Variants in ZNF665 observed in about 807,000 individuals in gnomAD.
The protein encoded by ZNF665 is zinc finger protein 665.
ZNF665 carries 6 observed loss-of-function variants against 7.9 expected under a neutral mutation model. The observed-to-expected ratio is 0.76, with a 90% CI of 0.42 to 1.50. ZNF665 has a LOEUF of 1.50. ZNF665 is among the 40% of genes most tolerant of loss of function. The pLI is 0.01. For synonymous variants in ZNF665, 242 were observed against 274.5 expected (o/e 0.88, Z 1.17); for missense variants, 819 against 806.7 (o/e 1.02, Z -0.18).
At chr19:53,168,291 A>T (rs953705540) in intron 3 of ZNF665, among the ~76,000 whole-genome samples, 4 of 152,222 alleles carry the variant, frequency 2.6e-5, no homozygotes, top group African/African-American at 9.6e-5. Context: ...CCAAAGAATC[A>T]ATTTTATTTC....
intron 3 of ZNF665, among the ~76,000 whole-genome samples, chr19:53,169,762 C>T (rs532530627): frequency 0.016 from 2,337 of 149,718 alleles, 68 homozygotes; most frequent in African/African-American, 0.056. Context: ...CAATTCCCAC[C>T]TATGAGTGAG....
intron 3 of ZNF665, among the ~76,000 whole-genome samples, chr19:53,171,524 A>ATATATATATATATATTTT (rs372855271): frequency 1.2e-4 from 8 of 69,320 alleles, no homozygotes; most frequent in African/African-American, 1.6e-4. Flanking sequence ...ATATATATAT[A>ATATATATATATATATTTT]TTTTTTTTTT....
chr19:53,189,349 C>T (rs888032250), intron 1 of ZNF665, among the ~76,000 whole-genome samples: 6 of 151,424 alleles, frequency 4.0e-5, no homozygotes, highest in East Asian at 2.0e-4. Flanking sequence ...GCACGGAGAC[C>T]GGTAGTGGCC....
chr19:53,185,095 G>A (rs535349916), intron 1 of ZNF665, among the ~76,000 whole-genome samples: 6 of 152,124 alleles, frequency 3.9e-5, no homozygotes, highest in East Asian at 3.9e-4. Flanking sequence ...ACAGGGAGAC[G>A]GTTAGGCCTC....
chr19:53,176,410 G>A (rs2090698686), intron 2 of ZNF665, among the ~76,000 whole-genome samples: 2 of 152,166 alleles, frequency 1.3e-5, no homozygotes, highest in African/African-American at 4.8e-5. Context: ...GGGCATGGAA[G>A]CTCAGAGCCC....
rs12460170 is a variant in ZNF665, at chr19:53,166,239, A to G, written c.251T>C (p.Val84Ala). 0.61 allele frequency: 978,934 copies of G among 1,613,672 alleles called. 305,082 individuals are homozygous for G. Among genetic ancestry groups the G allele is most frequent in the South Asian group, 0.72 (65,110 of 91,032 alleles). Residue 84 changes from valine to alanine, a missense_variant, in exon 4 of 4, where the codon GTA (valine) becomes GCA (alanine). Coordinates refer to ENST00000396424, the MANE Select transcript of ZNF665 (RefSeq NM_024733.5). ...KLERLESCDT[V>A]GLSFQEVQKN... Reference sequence around the variant, plus strand: ...CTGAACTTCCTGGAAGGACAAGCCTACAGTGTCACAGCTTTCAAGTCTCTC... The same window carrying G: ...CTGAACTTCCTGGAAGGACAAGCCTGCAGTGTCACAGCTTTCAAGTCTCTC...
chr19:53,174,092 G>A (rs1217526413), intron 3 of ZNF665, among the ~76,000 whole-genome samples: 1 of 152,118 alleles, frequency 6.6e-6, no homozygotes, highest in East Asian at 1.9e-4. Flanking sequence ...TTGGAAGTAG[G>A]TCTTCCAAGC....
At chr19:53,166,721 G>A (rs923867043) in intron 3 of ZNF665, among the ~76,000 whole-genome samples, 3 of 152,124 alleles carry the variant, frequency 2.0e-5, no homozygotes, top group African/African-American at 4.8e-5. Flanking sequence ...CCTATTTAAA[G>A]CATATTTGTT....
rs1599877542 is a variant in ZNF665 at position 53,175,385 on chromosome 19, A to T, written c.142+60T>A. 8 of 1,575,066 alleles carry T rather than the reference A, an allele frequency of 5.1e-6. No homozygotes were observed. In the East Asian group the frequency reaches 1.1e-4, roughly 23 times the overall value. ...TGCAGGGGCTCTCAAGAGACTCACA[A>T]GGGAAAATGAAAACATACACGAGAA... On this transcript the variant is annotated intron_variant, in intron 3 of 3. Transcript: ENST00000396424.
intron 2 of ZNF665, chr19:53,181,637 T>A (rs554971976): frequency 6.6e-6 from 1 of 152,154 alleles, no homozygotes; most frequent in East Asian, 1.9e-4. Flanking sequence ...CTTTAGCAGC[T>A]CTCATTAGAC....
chr19:53,171,488 TTG>T (rs1196693590), intron 3 of ZNF665, among the ~76,000 whole-genome samples: 1 of 75,974 alleles, frequency 1.3e-5, no homozygotes, highest in Admixed American at 2.0e-4. Context: ...ATCTTTACAT[TTG>T]TGTGTGTGTG....
In ZNF665 at chr19:53,167,740, T is replaced by C. The variant is rs183273657; in HGVS notation, c.143-1393A>G. On this transcript the variant is annotated intron_variant, in intron 3 of 3. Transcript: ENST00000396424. ...GGATTACAGGCGTAAGCCAGGGTGC[T>C]TGGCCAACAATTTCTCTTGAGAAAA... 6.5e-3 allele frequency among the ~76,000 whole-genome samples: 948 copies of C among 146,092 alleles called. 11 individuals carry two copies. Among genetic ancestry groups the C allele is most frequent in the African/African-American group, 0.023 (914 of 40,200 alleles).
chr19:53,167,539 C>T (rs868246791), intron 3 of ZNF665, among the ~76,000 whole-genome samples: 189 of 151,000 alleles, frequency 1.3e-3, no homozygotes, highest in African/African-American at 3.8e-3. Context: ...CTCCGCCTCC[C>T]GGGTTCCCGC....
chr19:53,169,283 A>G (rs1237787501), intron 3 of ZNF665, among the ~76,000 whole-genome samples: 1 of 152,110 alleles, frequency 6.6e-6, no homozygotes, highest in African/African-American at 2.4e-5. Flanking sequence ...AAAAGAAAAT[A>G]TTAATATATA....
intron 2 of ZNF665, among the ~76,000 whole-genome samples, chr19:53,178,149 A>G (rs1431349061): frequency 6.6e-6 from 1 of 152,246 alleles, no homozygotes; most frequent in Non-Finnish European, 1.5e-5. Context: ...GTCTGAGATC[A>G]GTACAAAGGA....
rs763626087 is a variant in ZNF665, at chr19:53,164,658, G to A, written c.1832C>T (p.Ser611Leu). 1 of 1,612,770 alleles carries A rather than the reference G, an allele frequency of 6.2e-7. No individual in the cohort carries two copies. ...AATTCTTCTATGATTTGCAAGATGT[G>A]AATTTTGAGTGAAGACCTTGCCACA... ...NECGKVFTQN[S>L]HLANHRRIHT... Residue 611 changes from serine (S) to leucine (L), a missense_variant, in exon 4 of 4, where the codon TCA (serine) becomes TTA (leucine). Ser to Leu is a moderately radical substitution (Grantham distance 145). Transcript: ENST00000396424.
chr19:53,171,520 A>ATTT (rs1233778767), intron 3 of ZNF665, among the ~76,000 whole-genome samples: 9 of 82,740 alleles, frequency 1.1e-4, no homozygotes, highest in South Asian at 8.4e-4. Flanking sequence ...ATATATATAT[A>ATTT]TATATTTTTT....
At chr19:53,183,900 G>A (rs1280012494) in intron 1 of ZNF665, among the ~76,000 whole-genome samples, 1 of 152,088 alleles carries the variant, frequency 6.6e-6, no homozygotes, top group Non-Finnish European at 1.5e-5. Flanking sequence ...GAGAGGTCCT[G>A]GGGGAGCAGG....
At chr19:53,166,775 GC>G (rs2090618852) in intron 3 of ZNF665, among the ~76,000 whole-genome samples, 1 of 152,030 alleles carries the variant, frequency 6.6e-6, no homozygotes, top group South Asian at 2.1e-4. Flanking sequence ...TACTCTAATG[GC>G]AAATAACTCA....
Sources: allele counts gnomAD v4.1 joint callset (sites outside exome capture counted in the v4.1 genomes callset), GRCh38; gene constraint gnomAD v4.1.1; transcripts MANE v1.5; gene names NCBI Gene and HGNC (gene_info 2026-07-23, HGNC 2026-07-21).